Variants in TBC1D19 observed in about 807,000 individuals in gnomAD.
TBC1D19 encodes the protein TBC1 domain family member 19.
In TBC1D19, 60 loss-of-function variants were observed where a neutral mutation model predicts 89.0. That is an observed-to-expected ratio of 0.67 (90% CI 0.55 to 0.84). The LOEUF is 0.84. TBC1D19 is among the 40% of genes least tolerant of loss of function. TBC1D19 has a pLI of 0.00. For synonymous variants in TBC1D19, 189 were observed against 199.7 expected (o/e 0.95, Z 0.45); for missense variants, 500 against 610.8 (o/e 0.82, Z 1.91).
At chr4:26,669,514 T>C (rs1193731689) in intron 9 of TBC1D19, among the ~76,000 whole-genome samples, 3 of 151,754 alleles carry the variant, frequency 2.0e-5, no homozygotes, top group African/African-American at 7.2e-5. Flanking sequence ...AGAGTGTAAG[T>C]TGGAGATTTT....
At chr4:26,584,077 G>A (rs1009234361), upstream of TBC1D19, 1 of 972,376 alleles carries the variant, frequency 1.0e-6, no homozygotes, top group Non-Finnish European at 1.6e-6. Flanking sequence ...CCCGCTGGAG[G>A]AGTCCCAGTG....
chr4:26,731,185 T>A (rs1311925234), intron 15 of TBC1D19, among the ~76,000 whole-genome samples: 2 of 152,164 alleles, frequency 1.3e-5, no homozygotes, highest in Admixed American at 1.3e-4. Context: ...AATGAATTGC[T>A]TAGGGGGAGG....
At chr4:26,786,796 G>GATGGATGGATGGATGGATGT in the TBC1D19 span, among the ~76,000 whole-genome samples, 6 of 147,930 alleles carry the variant, frequency 4.1e-5, no homozygotes, top group South Asian at 4.4e-4. Context: ...TGGATGGATG[G>GATGGATGGATGGATGGATGT]GTGGGTGGAA....
intron 16 of TBC1D19, 62 bp downstream of exon 16, chr4:26,735,549 A>G: frequency 7.3e-7 from 1 of 1,371,022 alleles, no homozygotes; most frequent in African/African-American, 1.5e-5. Context: ...CTGTCAATTT[A>G]AAAAATAATG....
chr4:26,753,115 T>C (rs1223012855), intron 19 of TBC1D19, among the ~76,000 whole-genome samples: 4 of 152,186 alleles, frequency 2.6e-5, no homozygotes, highest in Non-Finnish European at 5.9e-5. Flanking sequence ...ATATATCCAT[T>C]TGTGACACTC....
At chr4:26,783,721 G>T in the TBC1D19 span, among the ~76,000 whole-genome samples, 3 of 152,198 alleles carry the variant, frequency 2.0e-5, no homozygotes, top group African/African-American at 7.2e-5. Flanking sequence ...AGATGGGGGA[G>T]ATATAAGACA....
At chr4:26,608,219 A>C (rs528087200) in intron 1 of TBC1D19, among the ~76,000 whole-genome samples, 259 of 152,302 alleles carry the variant, frequency 1.7e-3, no homozygotes, top group African/African-American at 6.1e-3. Flanking sequence ...TGACCAGGAA[A>C]TCTATTAAAA....
chr4:26,735,894 CAA>C (rs1718014665), intron 16 of TBC1D19, among the ~76,000 whole-genome samples: 2 of 151,276 alleles, frequency 1.3e-5, no homozygotes, highest in African/African-American at 4.8e-5. Flanking sequence ...AGTCAGGAAA[CAA>C]TAGGTGCTGG....
At chr4:26,762,350 C>G in the TBC1D19 span, among the ~76,000 whole-genome samples, 1 of 152,084 alleles carries the variant, frequency 6.6e-6, no homozygotes, top group Non-Finnish European at 1.5e-5. Flanking sequence ...ATTACTTATT[C>G]AACTATTCTT....
intron 14 of TBC1D19, among the ~76,000 whole-genome samples, chr4:26,718,449 CTCTT>C (rs1389105478): frequency 2.6e-5 from 4 of 152,038 alleles, no homozygotes; most frequent in Admixed American, 2.0e-4. Context: ...TATTTTTCTC[CTCTT>C]TATCACCAGC....
chr4:26,594,824 C>T (rs1399745295), intron 1 of TBC1D19, among the ~76,000 whole-genome samples: 1 of 152,130 alleles, frequency 6.6e-6, no homozygotes, highest in Non-Finnish European at 1.5e-5. Context: ...TAAAAAATCC[C>T]GCTACAACTG....
At chr4:26,817,277 C>A in the TBC1D19 span, among the ~76,000 whole-genome samples, 2 of 152,134 alleles carry the variant, frequency 1.3e-5, no homozygotes, top group Non-Finnish European at 2.9e-5. Flanking sequence ...ATTGATACCC[C>A]CTCTCCCGCA....
the TBC1D19 span, among the ~76,000 whole-genome samples, chr4:26,832,239 A>C: frequency 6.6e-6 from 1 of 152,296 alleles, no homozygotes; most frequent in African/African-American, 2.4e-5. Flanking sequence ...GAGTGCAGTA[A>C]AACAATCCTT....
chr4:26,584,010 A>G (rs1739248410), upstream of TBC1D19: 3 of 597,184 alleles, frequency 5.0e-6, no homozygotes, highest in East Asian at 5.9e-5. Flanking sequence ...TGTGGCCTTC[A>G]GGCGCTGAGG....
intron 13 of TBC1D19, among the ~76,000 whole-genome samples, chr4:26,709,568 C>A (rs1577968036): frequency 6.6e-6 from 1 of 151,966 alleles, no homozygotes; most frequent in East Asian, 1.9e-4. Context: ...TTTCTGGGTC[C>A]TTTAAGCTGC....
chr4:26,764,372 C>A, the TBC1D19 span, among the ~76,000 whole-genome samples: 1 of 152,178 alleles, frequency 6.6e-6, no homozygotes, highest in South Asian at 2.1e-4. Context: ...AGTCCAGATC[C>A]CATGGTATGG....
chr4:26,583,961 C>T (rs1053113756), upstream of TBC1D19: 3 of 555,522 alleles, frequency 5.4e-6, no homozygotes, highest in African/African-American at 3.8e-5. Context: ...AAAGCGTCCT[C>T]CCCGCCCCGG....
At chr4:26,644,857 A>G (rs1407243131) in intron 7 of TBC1D19, among the ~76,000 whole-genome samples, 1 of 152,220 alleles carries the variant, frequency 6.6e-6, no homozygotes, top group Non-Finnish European at 1.5e-5. Context: ...TAGGAATCCA[A>G]CTTACAAGGG....
At chr4:26,810,100 T>G in the TBC1D19 span, among the ~76,000 whole-genome samples, 39 of 152,266 alleles carry the variant, frequency 2.6e-4, no homozygotes, top group African/African-American at 8.9e-4. Context: ...GAGAGCAGCC[T>G]CCAAACAATG....
Sources: allele counts gnomAD v4.1 joint callset (sites outside exome capture counted in the v4.1 genomes callset), GRCh38; gene constraint gnomAD v4.1.1; transcripts MANE v1.5; gene names NCBI Gene and HGNC (gene_info 2026-07-23, HGNC 2026-07-21).